Variants in OPCML observed in about 807,000 individuals in gnomAD.
The protein encoded by OPCML is opioid binding protein/cell adhesion molecule like.
Under a neutral mutation model 37.8 loss-of-function variants are expected in OPCML, and 13 were observed. The observed-to-expected ratio is 0.34, with a 90% CI of 0.22 to 0.55. The LOEUF (loss-of-function observed/expected upper bound fraction) is 0.55. Ranked by LOEUF, OPCML falls within the 20% of genes least tolerant of loss-of-function variation. The pLI is 0.91. For synonymous variants in OPCML, 176 were observed against 168.8 expected (o/e 1.04, Z -0.33); for missense variants, 341 against 435.6 (o/e 0.78, Z 1.93).
chr11:132,599,159 A>T (rs187888200), intron 3 of OPCML, among the ~76,000 whole-genome samples: 222 of 152,238 alleles, frequency 1.5e-3, no homozygotes, highest in African/African-American at 5.2e-3. Context: ...TATGCCTATA[A>T]TCCCAGCTAC....
chr11:133,423,540 T>C (rs2136900123), intron 1 of OPCML: 1 of 945,160 alleles, frequency 1.1e-6, no homozygotes, highest in South Asian at 4.9e-5. Context: ...CGAGAAGTCC[T>C]CAAAGGAATT....
intron 2 of OPCML, among the ~76,000 whole-genome samples, chr11:132,728,029 C>A (rs111852939): frequency 1.3e-5 from 2 of 152,308 alleles, no homozygotes; most frequent in African/African-American, 4.8e-5. Flanking sequence ...AACAGGTTTA[C>A]CACACAGCTC....
intron 2 of OPCML, among the ~76,000 whole-genome samples, chr11:132,901,791 A>C (rs541926304): frequency 6.6e-6 from 1 of 152,370 alleles, no homozygotes; most frequent in South Asian, 2.1e-4. Flanking sequence ...AAGAAATGAC[A>C]GTTTTCAGGC....
At chr11:133,186,397 A>T (rs1938073021) in intron 1 of OPCML, among the ~76,000 whole-genome samples, 1 of 152,102 alleles carries the variant, frequency 6.6e-6, no homozygotes, top group Non-Finnish European at 1.5e-5. Context: ...CCTTACTGGG[A>T]AAAGCGATTC....
intron 3 of OPCML, among the ~76,000 whole-genome samples, chr11:132,599,841 G>A (rs1937726532): frequency 6.6e-6 from 1 of 152,110 alleles, no homozygotes; most frequent in African/African-American, 2.4e-5. Flanking sequence ...CAGTGAAATT[G>A]AGCCATAGTA....
intron 1 of OPCML, among the ~76,000 whole-genome samples, chr11:133,051,086 C>CACACACA: frequency 6.7e-6 from 1 of 150,202 alleles, no homozygotes; most frequent in East Asian, 2.0e-4. Flanking sequence ...CACACACACA[C>CACACACA]CTCTCAAAGC....
chr11:132,455,762 A>AATCCATTC (rs2096080691), intron 4 of OPCML, among the ~76,000 whole-genome samples: 6 of 150,434 alleles, frequency 4.0e-5, no homozygotes, highest in African/African-American at 1.5e-4. Flanking sequence ...TTCTTTGTCA[A>AATCCATTC]ATTCATTCAT....
Position 132,914,081 on chromosome 11 carries a change from A to C in OPCML, c.146+28845T>G, listed in dbSNP as rs191912122. Reference sequence around the variant, plus strand: ...ATCCATCTCACTGCTCTCACAAAACAAGTTCCCAATTGTCTCTGCTGCGAG... The same window carrying C: ...ATCCATCTCACTGCTCTCACAAAACCAGTTCCCAATTGTCTCTGCTGCGAG... On this transcript the variant is annotated intron_variant, in intron 2 of 7. Transcript: ENST00000524381. 3.5e-4 allele frequency among the ~76,000 whole-genome samples: 53 copies of C among 152,350 alleles called. No individual in the cohort carries two copies. The East Asian group carries it at 9.6e-3, about 28-fold the overall frequency.
intron 1 of OPCML, among the ~76,000 whole-genome samples, chr11:133,107,742 G>C (rs1418645977): frequency 6.6e-6 from 1 of 152,164 alleles, no homozygotes; most frequent in African/African-American, 2.4e-5. Context: ...GTGCTTTCAT[G>C]AAAAGATACT....
intron 1 of OPCML, among the ~76,000 whole-genome samples, chr11:133,406,424 T>C (rs1461510678): frequency 1.3e-5 from 2 of 152,042 alleles, no homozygotes; most frequent in Non-Finnish European, 2.9e-5. Flanking sequence ...AAAGAGAAAC[T>C]GTGTTAAGCT....
At chr11:132,463,342 T>G (rs1444793492) in intron 4 of OPCML, among the ~76,000 whole-genome samples, 3 of 152,226 alleles carry the variant, frequency 2.0e-5, no homozygotes, top group Admixed American at 2.0e-4. Flanking sequence ...AGGGCTGAGT[T>G]CTCAGATCTC....
intron 6 of OPCML, 137 bp from the exon 7 acceptor site, chr11:132,436,374 A>C: frequency 1.9e-6 from 3 of 1,556,596 alleles, no homozygotes; most frequent in Non-Finnish European, 2.6e-6. Flanking sequence ...GAGAAGGGAA[A>C]TGATGCTCTT....
chr11:133,476,634 T>C (rs928829318), intron 1 of OPCML, among the ~76,000 whole-genome samples: 1 of 152,166 alleles, frequency 6.6e-6, no homozygotes, highest in Non-Finnish European at 1.5e-5. Flanking sequence ...AATGCAGCAA[T>C]GAACAAAGTA....
intron 1 of OPCML, among the ~76,000 whole-genome samples, chr11:133,338,252 AG>A (rs1943785749): frequency 6.6e-6 from 1 of 152,170 alleles, no homozygotes; most frequent in Admixed American, 6.5e-5. Context: ...TATCAAAAAC[AG>A]CACAGCAGGC....
chr11:132,713,123 G>T (rs1944333175), intron 2 of OPCML, among the ~76,000 whole-genome samples: 2 of 152,056 alleles, frequency 1.3e-5, no homozygotes, highest in African/African-American at 4.8e-5. Context: ...AAATTTTGAG[G>T]GAGCCAGTTA....
At chr11:133,369,422 G>A (rs1235811359) in intron 1 of OPCML, among the ~76,000 whole-genome samples, 2 of 152,138 alleles carry the variant, frequency 1.3e-5, no homozygotes, top group African/African-American at 4.8e-5. Flanking sequence ...AAGCAAGAAA[G>A]GCCAAGTTAT....
At chr11:133,000,118 G>A (rs149968519) in intron 1 of OPCML, among the ~76,000 whole-genome samples, 2,248 of 152,102 alleles carry the variant, frequency 0.015, 59 homozygotes, top group African/African-American at 0.052. Context: ...GTGTGGTGAC[G>A]TGATCTCGGC....
In OPCML at chr11:132,581,545, TG is replaced by T. The variant is rs2096461961; in HGVS notation, c.380-52360del. 2.0e-5 allele frequency among the ~76,000 whole-genome samples: 3 copies of T among 152,224 alleles called. No individual in the cohort carries two copies. The South Asian group carries it at 6.2e-4, about 32-fold the overall frequency. ...ATTTGTTTTGAAAAGTAAATTATTT[TG>T]CTGGCCTCTGATGGCTAAGCAATGG... On this transcript the variant is annotated intron_variant, in intron 3 of 7. Coordinates refer to ENST00000524381, the MANE Select transcript of OPCML (RefSeq NM_001012393.5).
intron 1 of OPCML, among the ~76,000 whole-genome samples, chr11:133,113,192 AT>A (rs1259420958): frequency 6.6e-6 from 1 of 152,064 alleles, no homozygotes; most frequent in Non-Finnish European, 1.5e-5. Flanking sequence ...TGGGTATAAA[AT>A]TTTTTCCATC....
Sources: gnomAD v4.1 joint callset for allele counts (sites outside exome capture counted in the v4.1 genomes callset) on GRCh38, gnomAD v4.1.1 for gene constraint, MANE v1.5 for transcripts, NCBI Gene and HGNC (gene_info 2026-07-23, HGNC 2026-07-21) for gene names.